The following ADAR variants were observed in gnomAD, a reference collection of about 807,000 sequenced individuals.
ADAR encodes the protein double-stranded RNA-specific adenosine deaminase.
A neutral mutation model predicts 113.2 loss-of-function variants in ADAR; 41 were observed. The observed-to-expected ratio is 0.36, with a 90% CI of 0.28 to 0.47. ADAR has a LOEUF of 0.47. Among genes scored for constraint, ADAR ranks in the 20% least tolerant of loss-of-function variants. ADAR has a pLI of 1.00. For missense variants in ADAR, 1,242 were observed against 1,540.9 expected, an observed-to-expected ratio of 0.81 and a Z score of 3.25; for synonymous variants, 605 against 572.6, an observed-to-expected ratio of 1.06 and a Z score of -0.81.
chr1:154,586,079 A>T, intron 12 of ADAR, 102 bp downstream of exon 12: 1 of 1,455,786 alleles, frequency 6.9e-7, no homozygotes, highest in Non-Finnish European at 9.6e-7. Flanking sequence ...AATCATGCTC[A>T]CTTTGATAAG....
At chr1:154,585,483 G>C in intron 13 of ADAR, 139 bp from the exon 14 acceptor site, 2 of 1,250,546 alleles carry the variant, frequency 1.6e-6, no homozygotes, top group Non-Finnish European at 2.3e-6. Flanking sequence ...GTTTGGCTAA[G>C]ACTGAGCACC....
rs1055468361 is a variant in ADAR, at chr1:154,626,939, C to T, written c.-871+916G>A. 3.0e-4 allele frequency among the ~76,000 whole-genome samples: 45 copies of T among 152,230 alleles called. 1 individual carries two copies. The highest frequency in any genetic ancestry group is 1.0e-3 in the African/African-American group (42 of 41,462). ...GTGGAGAAAGAAGTTGGCATCACAACTGCTGACAGTTTGACGCCCCTGCCT... is the reference window on the plus strand; with the variant it reads ...GTGGAGAAAGAAGTTGGCATCACAATTGCTGACAGTTTGACGCCCCTGCCT... On this transcript the variant is annotated intron_variant, in intron 1 of 14. Coordinates refer to the ADAR transcript ENST00000368471.
chr1:154,585,196 T>C (rs764325867), intron 14 of ADAR, 21 bp downstream of exon 14: 90 of 1,614,050 alleles, frequency 5.6e-5, no homozygotes, highest in Non-Finnish European at 4.7e-5. Context: ...TGGTCCTCAC[T>C]GCGCTCTCCT....
At chr1:154,613,047 G>A (rs1047888591), upstream of ADAR, among the ~76,000 whole-genome samples, 5 of 151,942 alleles carry the variant, frequency 3.3e-5, no homozygotes, top group Non-Finnish European at 5.9e-5. Context: ...TCCTGACTTC[G>A]TGATCCGCCT....
In ADAR at chr1:154,583,932, T is replaced by G. The variant is rs1696570710; in HGVS notation, c.*874A>C. On this transcript the variant is annotated 3_prime_UTR_variant, in exon 15 of 15. Coordinates refer to ENST00000368474, the MANE Select transcript of ADAR (RefSeq NM_001111.5). ...ACGCCCAGCATTGGCGGGGAAAATA[T>G]TCCTAGGAATGCTTTAGGAGAAGAG... 6.6e-6 allele frequency: 1 copy of G among 152,186 alleles called. No individual in the cohort carries two copies. The allele number at this position is 152,186 out of a possible 1,614,324, so 9.4% of individuals were successfully genotyped here.
At chr1:154,618,704 A>G (rs1400544460) in intron 1 of ADAR, among the ~76,000 whole-genome samples, 1 of 152,146 alleles carries the variant, frequency 6.6e-6, no homozygotes. Context: ...GAGCTGGGCC[A>G]ACTGAATGGC....
chr1:154,602,077 C>A lies in ADAR; in HGVS notation c.565G>T (p.Ala189Ser), dbSNP rs1369698575. ...ATTTTCCACAAAGGGGGTGTTCCTG[C>A]CTCTTTCTGTAGCTTGCCCTTCTTT... Reference protein sequence around the residue: ...LAKKGKLQKEAGTPPLWKIAV... With the variant: ...LAKKGKLQKESGTPPLWKIAV... Residue 189 changes from alanine (A) to serine (S), a missense_variant, in exon 2 of 15, where the codon GCA (alanine) becomes TCA (serine). Physicochemically the swap from Ala to Ser is moderately conservative, Grantham distance 99. Coordinates refer to ENST00000368474, the MANE Select transcript of ADAR (RefSeq NM_001111.5). 6.2e-7 allele frequency: 1 copy of A among 1,614,230 alleles called. No individual in the cohort carries two copies. Among genetic ancestry groups the A allele is most frequent in the African/African-American group, 1.3e-5 (1 of 75,048 alleles).
rs1476665234 is a variant in ADAR at position 154,589,919 on chromosome 1, T to C, written c.2506A>G (p.Thr836Ala). The part of the protein sequence containing the change: ...PEAQPKTLPL[T>A]GSTFHDQIAM... The stretch of plus-strand genomic sequence containing the variant: ...ATCTGGTCATGGAAGGTGCTGCCAG[T>C]GAGAGGGAGCTGTGGGGAAAAGAGG... The change falls in exon 8 of 15, where the codon ACT (threonine) becomes GCT (alanine). Residue 836 changes from threonine to alanine, a missense_variant. This residue lies in a region of ADAR where 780 missense variants were observed against 1,057.9 expected (regional missense o/e 0.74). Coordinates refer to ENST00000368474, the MANE Select transcript of ADAR (RefSeq NM_001111.5). 1 of 1,613,782 alleles carries C rather than the reference T, an allele frequency of 6.2e-7. No individual in the cohort carries two copies. Among genetic ancestry groups the C allele is most frequent in the East Asian group, 2.2e-5 (1 of 44,880 alleles).
chr1:154,620,013 G>A (rs1698745396), intron 1 of ADAR, among the ~76,000 whole-genome samples: 1 of 152,226 alleles, frequency 6.6e-6, no homozygotes. Flanking sequence ...GAAAAGAGGA[G>A]TTGTTAATGA....
upstream of ADAR, among the ~76,000 whole-genome samples, chr1:154,610,834 A>AAAAAAAAAG (rs1698464009): frequency 7.0e-6 from 1 of 142,162 alleles, no homozygotes; most frequent in African/African-American, 2.8e-5. Context: ...GAAAAAAAAA[A>AAAAAAAAAG]AAAAAAAGAC....
At chr1:154,611,028 A>G (rs1441388519), upstream of ADAR, among the ~76,000 whole-genome samples, 1 of 152,124 alleles carries the variant, frequency 6.6e-6, no homozygotes, top group Non-Finnish European at 1.5e-5. Flanking sequence ...TATTTCACAA[A>G]TTTAAAAGGT....
intron 1 of ADAR, among the ~76,000 whole-genome samples, chr1:154,604,455 A>G (rs948338302): frequency 2.6e-5 from 4 of 152,074 alleles, no homozygotes; most frequent in Admixed American, 6.5e-5. Context: ...TTCTTCTCCA[A>G]AGCTTCCCAG....
intron 9 of ADAR, among the ~76,000 whole-genome samples, chr1:154,588,906 T>G (rs373887652): frequency 1.3e-4 from 20 of 152,208 alleles, no homozygotes; most frequent in African/African-American, 4.8e-4. Context: ...GCTACAGGGA[T>G]TCTAGAGCAG....
Position 154,597,172 on chromosome 1 carries a change from A to C in ADAR, c.2030T>G (p.Met677Arg). 6.2e-7 allele frequency: 1 copy of C among 1,614,112 alleles called. No individual in the cohort carries two copies. The highest frequency in any genetic ancestry group is 8.5e-7 in the Non-Finnish European group (1 of 1,179,994). Residue 677 changes from methionine to arginine, a missense_variant, in exon 5 of 15, where the codon ATG becomes AGG. Around this residue, in one of 2 missense-constraint regions of ADAR, gnomAD observed 780 missense variants for 1,057.9 expected, o/e 0.74. Transcript: ENST00000368474. The stretch of plus-strand genomic sequence containing the variant: ...GGTCGCCTCCCCATGCAGGGCCTTC[A>C]TGGCTTCCTCTGCGGCCATCTGCTT... ...VAKQMAAEEAMKALHGEATNS... is the reference protein window; with the variant it reads ...VAKQMAAEEARKALHGEATNS...
intron 4 of ADAR, 69 bp from the exon 5 acceptor site, chr1:154,597,336 C>A (rs534023216): frequency 2.7e-5 from 42 of 1,582,432 alleles, no homozygotes; most frequent in Middle Eastern, 3.4e-4. Flanking sequence ...TAGCCTCTGC[C>A]AGGCTGCCAT....
At chr1:154,586,068 G>T in intron 12 of ADAR, 113 bp downstream of exon 12, 1 of 1,395,370 alleles carries the variant, frequency 7.2e-7, no homozygotes, top group Non-Finnish European at 1.0e-6. Flanking sequence ...ACTGAGGAGT[G>T]AATCATGCTC....
rs3738032 is a variant in ADAR at position 154,600,943 on chromosome 1, C to T, written c.1601+98G>A. 0.22 allele frequency: 327,960 copies of T among 1,515,114 alleles called. 36,710 individuals carry two copies. The highest frequency in any genetic ancestry group is 0.22 in the Non-Finnish European group (244,432 of 1,094,942). 93.9% of individuals were successfully genotyped at this position (1,515,114 alleles called of 1,614,324 possible). On this transcript the variant is annotated intron_variant, in intron 2 of 14. Coordinates refer to ENST00000368474, the MANE Select transcript of ADAR (RefSeq NM_001111.5). ...CAGAAGGGAAGGAGGAAAAGATAGG[C>T]GCCACCAAACAGCACTGCTCACAAA...
rs757630355 is a variant in ADAR at position 154,590,143 on chromosome 1, C to CG, written c.2496+40_2496+41insC. On this transcript the variant is annotated intron_variant, in intron 7 of 14. Coordinates refer to ENST00000368474, the MANE Select transcript of ADAR (RefSeq NM_001111.5). ...ACCTCCACTTAGGAGTTAGGAGGAC[C>CG]CCCCCGCCCCAAAAAAGGCACCAAA... 7.8e-5 allele frequency: 81 copies of CG among 1,034,428 alleles called. 2 individuals are homozygous for CG. The highest frequency in any genetic ancestry group is 1.2e-4 in the Non-Finnish European group (78 of 671,558). 64.1% of individuals were successfully genotyped at this position (1,034,428 alleles called of 1,614,324 possible). A position where few individuals can be genotyped will look rare whatever the true frequency, so the allele number is the denominator to read the frequency against.
intron 8 of ADAR, 140 bp from the exon 9 acceptor site, chr1:154,589,602 GGAACTAA>G (rs982028597): frequency 6.6e-6 from 8 of 1,209,634 alleles, no homozygotes; most frequent in Non-Finnish European, 9.6e-6. Context: ...CTCTCCTCTA[GGAACTAA>G]GAACTCATTC....
Sources: gnomAD v4.1 joint callset for allele counts (sites outside exome capture counted in the v4.1 genomes callset) on GRCh38, gnomAD v4.1.1 for gene constraint, gnomAD v4.1.1 regional missense constraint, MANE v1.5 for transcripts, NCBI Gene and HGNC (gene_info 2026-07-23, HGNC 2026-07-21) for gene names.